The following LAPTM4B variants were observed in gnomAD, a reference collection of about 807,000 sequenced individuals.
The protein encoded by LAPTM4B is lysosomal-associated transmembrane protein 4B.
Under a neutral mutation model 28.5 loss-of-function variants are expected in LAPTM4B, and 26 were observed. That is an observed-to-expected ratio of 0.91 (90% CI 0.67 to 1.27). LAPTM4B has a LOEUF of 1.27. LAPTM4B is among the 50% of genes most tolerant of loss of function. The pLI, the probability that LAPTM4B is intolerant of heterozygous loss-of-function variation, is 0.00. For synonymous variants in LAPTM4B, 109 were observed against 106.4 expected (o/e 1.02, Z -0.15); for missense variants, 288 against 285.8 (o/e 1.01, Z -0.06).
intron 1 of LAPTM4B, among the ~76,000 whole-genome samples, chr8:97,777,279 TG>T (rs1246858138): frequency 6.6e-6 from 1 of 150,916 alleles, no homozygotes; most frequent in African/African-American, 2.4e-5. Context: ...CCCGAGTAGC[TG>T]GGATTGCAGG....
chr8:97,831,881 G>GT (rs1817188855), intron 6 of LAPTM4B, among the ~76,000 whole-genome samples: 1 of 152,190 alleles, frequency 6.6e-6, no homozygotes, highest in Non-Finnish European at 1.5e-5. Flanking sequence ...GGCTTTGGCT[G>GT]TAAGGAGGGC....
intron 1 of LAPTM4B, 29 bp from the exon 2 acceptor site, chr8:97,805,324 C>CTTTTTTTTT (rs386413439): frequency 1.7e-4 from 143 of 843,500 alleles, no homozygotes; most frequent in South Asian, 4.9e-4. Context: ...TACTTAAATT[C>CTTTTTTTTT]TTTTTTTTTT....
At chr8:97,829,077 A>C (rs1481533113) in intron 6 of LAPTM4B, among the ~76,000 whole-genome samples, 1 of 152,124 alleles carries the variant, frequency 6.6e-6, no homozygotes, top group African/African-American at 2.4e-5. Context: ...TAAAAAGGTA[A>C]GAGTGTGTTC....
intron 1 of LAPTM4B, among the ~76,000 whole-genome samples, chr8:97,797,924 C>T (rs1302500777): frequency 6.6e-6 from 1 of 152,126 alleles, no homozygotes; most frequent in Non-Finnish European, 1.5e-5. Context: ...TATGTGACAT[C>T]ACAGGATCAG....
intron 1 of LAPTM4B, among the ~76,000 whole-genome samples, chr8:97,785,728 A>C (rs749873275): frequency 2.2e-4 from 34 of 152,222 alleles, no homozygotes; most frequent in Non-Finnish European, 4.4e-4. Flanking sequence ...GTGATTGGCT[A>C]TCCATTGTTG....
chr8:97,800,274 A>G (rs1054148921), intron 1 of LAPTM4B, among the ~76,000 whole-genome samples: 11 of 152,162 alleles, frequency 7.2e-5, no homozygotes, highest in Non-Finnish European at 1.5e-4. Context: ...ACAGGCGTAA[A>G]GCAGGTGTCT....
chr8:97,836,271 C>A (rs1019858374), intron 6 of LAPTM4B, among the ~76,000 whole-genome samples: 2 of 152,192 alleles, frequency 1.3e-5, no homozygotes, highest in African/African-American at 2.4e-5. Flanking sequence ...ACCTCCACCC[C>A]CTGGGTTCAA....
chr8:97,795,509 C>T (rs933093939), intron 1 of LAPTM4B, among the ~76,000 whole-genome samples: 9 of 152,178 alleles, frequency 5.9e-5, no homozygotes, highest in African/African-American at 2.2e-4. Context: ...TCACTCAAGA[C>T]TTTCTATTAA....
At chr8:97,790,221 G>A (rs1294446295) in intron 1 of LAPTM4B, among the ~76,000 whole-genome samples, 1 of 151,614 alleles carries the variant, frequency 6.6e-6, no homozygotes, top group Non-Finnish European at 1.5e-5. Flanking sequence ...TTTCTTTTGA[G>A]TATATACCTA....
chr8:97,814,073 C>T (rs1346496842), intron 2 of LAPTM4B, among the ~76,000 whole-genome samples: 3 of 152,180 alleles, frequency 2.0e-5, no homozygotes, highest in Non-Finnish European at 2.9e-5. Context: ...TATTTTTGTC[C>T]GGGTGCGGTG....
chr8:97,782,556 A>C (rs1196710352), intron 1 of LAPTM4B, among the ~76,000 whole-genome samples: 2 of 151,530 alleles, frequency 1.3e-5, no homozygotes, highest in African/African-American at 4.9e-5. Flanking sequence ...CTCCTGCCTC[A>C]GTCTCCTGAG....
chr8:97,776,909 T>C (rs1180942176), intron 1 of LAPTM4B, among the ~76,000 whole-genome samples: 4 of 152,104 alleles, frequency 2.6e-5, no homozygotes, highest in Non-Finnish European at 5.9e-5. Flanking sequence ...AGCAGTGATT[T>C]TCAGAGCTAG....
At chr8:97,828,172 G>A (rs535588180) in intron 6 of LAPTM4B, among the ~76,000 whole-genome samples, 1 of 152,246 alleles carries the variant, frequency 6.6e-6, no homozygotes, top group African/African-American at 2.4e-5. Context: ...AAAGAGTAGT[G>A]AAGTATGGAG....
chr8:97,800,150 G>C (rs1272289556), intron 1 of LAPTM4B, among the ~76,000 whole-genome samples: 5 of 152,092 alleles, frequency 3.3e-5, no homozygotes, highest in African/African-American at 4.8e-5. Flanking sequence ...TAAGCACTTA[G>C]CAAATATGTG....
chr8:97,843,876 T>C (rs1817390207), intron 6 of LAPTM4B, among the ~76,000 whole-genome samples: 1 of 152,224 alleles, frequency 6.6e-6, no homozygotes, highest in South Asian at 2.1e-4. Context: ...CTGTTATTTA[T>C]ATAGAATGTT....
chr8:97,800,025 C>G (rs1367169562), intron 1 of LAPTM4B, among the ~76,000 whole-genome samples: 2 of 152,148 alleles, frequency 1.3e-5, no homozygotes, highest in Non-Finnish European at 2.9e-5. Context: ...TGTAACTCTC[C>G]TTAACTTCCA....
At chr8:97,789,040 TTATTTATTTATTTA>T (rs1320463298) in intron 1 of LAPTM4B, among the ~76,000 whole-genome samples, 37 of 7,954 alleles carry the variant, frequency 4.7e-3, no homozygotes, top group Admixed American at 0.012. Context: ...TGCTCACTCT[TTATTTATTTATTTA>T]TTTATTTATT....
intron 6 of LAPTM4B, among the ~76,000 whole-genome samples, chr8:97,832,056 G>T (rs1422221847): frequency 6.6e-6 from 1 of 152,116 alleles, no homozygotes; most frequent in Admixed American, 6.6e-5. Context: ...TATACTTCTA[G>T]TTGTTTTTTT....
At chr8:97,809,278 C>T (rs967234671) in intron 2 of LAPTM4B, among the ~76,000 whole-genome samples, 2 of 152,146 alleles carry the variant, frequency 1.3e-5, no homozygotes, top group Non-Finnish European at 2.9e-5. Flanking sequence ...AAAGGAATCC[C>T]GCTACTGGAA....
Sources: gnomAD v4.1 joint callset for allele counts (sites outside exome capture counted in the v4.1 genomes callset) on GRCh38, gnomAD v4.1.1 for gene constraint, MANE v1.5 for transcripts, NCBI Gene and HGNC (gene_info 2026-07-23, HGNC 2026-07-21) for gene names.